NRXN1: variants seen among roughly 807,000 people sequenced by gnomAD.
NRXN1 encodes the protein neurexin-1.
NRXN1 carries 39 observed loss-of-function variants against 150.9 expected under a neutral mutation model. That is an observed-to-expected ratio of 0.26 (90% CI 0.20 to 0.34). NRXN1 has a LOEUF of 0.34. Ranked by LOEUF, NRXN1 falls within the 10% of genes least tolerant of loss-of-function variation. The pLI, the probability that NRXN1 is intolerant of heterozygous loss-of-function variation, is 1.00. For synonymous variants in NRXN1, 924 were observed against 757.0 expected (o/e 1.22, Z -3.62); for missense variants, 1,815 against 1,949.9 (o/e 0.93, Z 1.30).
intron 5 of NRXN1, among the ~76,000 whole-genome samples, chr2:50,708,205 T>C (rs1290568702): frequency 6.6e-6 from 1 of 152,180 alleles, no homozygotes; most frequent in African/African-American, 2.4e-5. Flanking sequence ...AATTATCTCA[T>C]GTAACGATTC....
At chr2:50,052,476 T>C (rs1375728481) in intron 21 of NRXN1, among the ~76,000 whole-genome samples, 2 of 152,156 alleles carry the variant, frequency 1.3e-5, no homozygotes, top group African/African-American at 4.8e-5. Flanking sequence ...GGTTTTTTTT[T>C]CCCTGTGTTC....
At chr2:50,871,827 G>T (rs1470770144) in intron 5 of NRXN1, among the ~76,000 whole-genome samples, 2 of 151,692 alleles carry the variant, frequency 1.3e-5, no homozygotes, top group African/African-American at 2.4e-5. Flanking sequence ...TCATCCATTG[G>T]TCTAAATATA....
At chr2:50,811,653 A>T (rs902011866) in intron 5 of NRXN1, among the ~76,000 whole-genome samples, 2 of 152,330 alleles carry the variant, frequency 1.3e-5, no homozygotes, top group South Asian at 4.1e-4. Context: ...TTTTCATAAG[A>T]GAATAAAAGA....
chr2:50,174,638 T>C (rs2060240184), intron 18 of NRXN1: 2 of 152,184 alleles, frequency 1.3e-5, no homozygotes, highest in South Asian at 2.1e-4. Flanking sequence ...CTATCACTTA[T>C]TAGCTGTATT....
At chr2:49,941,904 G>A (rs114907361) in intron 22 of NRXN1, among the ~76,000 whole-genome samples, 1,595 of 152,246 alleles carry the variant, frequency 0.01, 36 homozygotes, top group African/African-American at 0.036. Flanking sequence ...GCATGTGAGC[G>A]TAGAAGAAAT....
intron 12 of NRXN1, among the ~76,000 whole-genome samples, chr2:50,515,326 G>C (rs2092597077): frequency 6.6e-6 from 1 of 152,112 alleles, no homozygotes; most frequent in Admixed American, 6.6e-5. Flanking sequence ...ACCTTATGGT[G>C]AGATGTATAA....
chr2:50,828,539 A>T (rs1670874587), intron 5 of NRXN1, among the ~76,000 whole-genome samples: 1 of 134,894 alleles, frequency 7.4e-6, no homozygotes, highest in South Asian at 2.5e-4. Context: ...GACGCTCCTC[A>T]CCTCCCAGAC....
intron 19 of NRXN1, among the ~76,000 whole-genome samples, chr2:50,067,160 G>A (rs180732866): frequency 6.6e-6 from 1 of 152,294 alleles, no homozygotes. Flanking sequence ...GTAGAAGGCT[G>A]CAGGCTGTCT....
intron 18 of NRXN1, among the ~76,000 whole-genome samples, chr2:50,203,894 C>T (rs2062371236): frequency 6.6e-6 from 1 of 151,902 alleles, no homozygotes; most frequent in Admixed American, 6.6e-5. Context: ...GGTGAGTTTT[C>T]CTGGGGAAAA....
At chr2:50,162,318 A>C (rs1434384395) in intron 18 of NRXN1, among the ~76,000 whole-genome samples, 1 of 152,148 alleles carries the variant, frequency 6.6e-6, no homozygotes, top group African/African-American at 2.4e-5. Context: ...AGGAAAATGA[A>C]TTTATTAAAA....
At chr2:50,679,888 T>G (rs962095833) in intron 5 of NRXN1, among the ~76,000 whole-genome samples, 1 of 152,060 alleles carries the variant, frequency 6.6e-6, no homozygotes, top group Non-Finnish European at 1.5e-5. Context: ...ATCCCAGCAC[T>G]TTGGGAGGCC....
At chr2:50,842,421 A>G (rs765514378) in intron 5 of NRXN1, among the ~76,000 whole-genome samples, 6 of 152,178 alleles carry the variant, frequency 3.9e-5, no homozygotes, top group Non-Finnish European at 7.4e-5. Flanking sequence ...ATTGTACAGC[A>G]TTGAAAAGTC....
chr2:50,274,617 A>C (rs1023659827), intron 17 of NRXN1, among the ~76,000 whole-genome samples: 2 of 152,168 alleles, frequency 1.3e-5, no homozygotes, highest in African/African-American at 4.8e-5. Flanking sequence ...AAGAAAAATA[A>C]ACTAAAATCT....
chr2:50,368,507 T>G (rs1347265383), intron 17 of NRXN1, among the ~76,000 whole-genome samples: 1 of 151,926 alleles, frequency 6.6e-6, no homozygotes. Context: ...ATCCAGATCA[T>G]GAGAGTAATA....
At chr2:50,559,041 C>T (rs547947814) in intron 8 of NRXN1, among the ~76,000 whole-genome samples, 1 of 152,254 alleles carries the variant, frequency 6.6e-6, no homozygotes, top group African/African-American at 2.4e-5. Flanking sequence ...GAGATCGCAC[C>T]ACTGCACTCC....
intron 18 of NRXN1, among the ~76,000 whole-genome samples, chr2:50,146,117 G>T (rs548540136): frequency 6.6e-6 from 1 of 151,624 alleles, no homozygotes; most frequent in South Asian, 2.1e-4. Context: ...GTGTATGAGA[G>T]GAGAGAAGGC....
intron 8 of NRXN1, among the ~76,000 whole-genome samples, chr2:50,572,723 C>T (rs1030013361): frequency 6.6e-6 from 1 of 152,164 alleles, no homozygotes; most frequent in Non-Finnish European, 1.5e-5. Flanking sequence ...CCCTGACAAC[C>T]TCTGAGAACG....
At chr2:50,435,817 G>C (rs983998067) in intron 17 of NRXN1, among the ~76,000 whole-genome samples, 1 of 152,128 alleles carries the variant, frequency 6.6e-6, no homozygotes, top group Non-Finnish European at 1.5e-5. Flanking sequence ...TGGAGGGAAG[G>C]AGGAGGGTGA....
chr2:50,623,874 G>T (rs1434689796), intron 5 of NRXN1, among the ~76,000 whole-genome samples: 1 of 152,038 alleles, frequency 6.6e-6, no homozygotes, highest in East Asian at 1.9e-4. Flanking sequence ...CCATGTTGGT[G>T]TGCTGCACCC....
Sources: gnomAD v4.1 joint callset for allele counts (sites outside exome capture counted in the v4.1 genomes callset) on GRCh38, gnomAD v4.1.1 for gene constraint, MANE v1.5 for transcripts, NCBI Gene and HGNC (gene_info 2026-07-23, HGNC 2026-07-21) for gene names.